Variants in CRIM1 observed in about 807,000 individuals in gnomAD.
CRIM1 encodes cysteine rich transmembrane BMP regulator 1.
A neutral mutation model predicts 116.4 loss-of-function variants in CRIM1; 32 were observed. The observed-to-expected ratio is 0.27, with a 90% CI of 0.21 to 0.37. The LOEUF is 0.37. CRIM1 is among the 10% of genes least tolerant of loss of function. The pLI is 1.00. For synonymous variants in CRIM1, 590 were observed against 509.2 expected, an observed-to-expected ratio of 1.16 and a Z score of -2.13; for missense variants, 1,331 against 1,354.8, an observed-to-expected ratio of 0.98 and a Z score of 0.28.
chr2:36,479,392 A>G (rs1679230931), intron 6 of CRIM1, 105 bp from the exon 7 acceptor site: 7 of 1,072,834 alleles, frequency 6.5e-6, no homozygotes, highest in Middle Eastern at 2.6e-4. Flanking sequence ...CAGTGGGAAT[A>G]GAACTGCTGA....
At chr2:36,515,652 A>G (rs899313956) in intron 11 of CRIM1, among the ~76,000 whole-genome samples, 3 of 152,220 alleles carry the variant, frequency 2.0e-5, no homozygotes, top group Non-Finnish European at 2.9e-5. Context: ...TCTGTCTTCC[A>G]TACACTCTAC....
chr2:36,420,279 A>T (rs1673947489), intron 2 of CRIM1, among the ~76,000 whole-genome samples: 1 of 152,220 alleles, frequency 6.6e-6, no homozygotes, highest in Non-Finnish European at 1.5e-5. Context: ...CTTATATATC[A>T]GATGTCCCCA....
intron 4 of CRIM1, among the ~76,000 whole-genome samples, chr2:36,443,607 A>G (rs1224472363): frequency 6.6e-6 from 1 of 152,208 alleles, no homozygotes; most frequent in African/African-American, 2.4e-5. Context: ...CTCAATTTCC[A>G]ACCTCTTCTT....
intron 8 of CRIM1, among the ~76,000 whole-genome samples, chr2:36,509,051 T>C (rs1274298554): frequency 1.3e-5 from 2 of 152,144 alleles, no homozygotes; most frequent in Non-Finnish European, 2.9e-5. Context: ...TGTCAGCACA[T>C]AGAGAAAAAA....
At chr2:36,364,662 T>C (rs570566536) in intron 1 of CRIM1, among the ~76,000 whole-genome samples, 2 of 152,326 alleles carry the variant, frequency 1.3e-5, no homozygotes, top group African/African-American at 4.8e-5. Context: ...CAAACCTGCA[T>C]TGAAATCTTA....
chr2:36,501,983 T>C (rs1185278658), intron 8 of CRIM1, among the ~76,000 whole-genome samples: 2 of 152,250 alleles, frequency 1.3e-5, no homozygotes, highest in African/African-American at 4.8e-5. Flanking sequence ...GAAGTGTTTA[T>C]ATTTTAATCC....
intron 1 of CRIM1, among the ~76,000 whole-genome samples, chr2:36,381,303 C>A (rs938255069): frequency 2.6e-5 from 4 of 152,192 alleles, no homozygotes; most frequent in Non-Finnish European, 5.9e-5. Context: ...TGCTGCCCAG[C>A]GCGGCCCCAC....
intron 2 of CRIM1, among the ~76,000 whole-genome samples, chr2:36,403,692 A>G (rs1304600288): frequency 6.6e-6 from 1 of 152,184 alleles, no homozygotes; most frequent in African/African-American, 2.4e-5. Context: ...ACTATTATCA[A>G]GATAAATGCT....
intron 7 of CRIM1, among the ~76,000 whole-genome samples, chr2:36,496,885 TTAATC>T (rs141567419): frequency 0.013 from 1,906 of 152,284 alleles, 18 homozygotes; most frequent in Non-Finnish European, 0.021. Flanking sequence ...TAATCGCATG[TTAATC>T]TAATATATTT....
intron 4 of CRIM1, among the ~76,000 whole-genome samples, chr2:36,453,227 A>G (rs1168987716): frequency 1.3e-5 from 2 of 152,262 alleles, no homozygotes; most frequent in African/African-American, 4.8e-5. Flanking sequence ...ATTAGAACCC[A>G]GGAGGTAGAG....
chr2:36,364,495 A>G (rs1340970434), intron 1 of CRIM1, among the ~76,000 whole-genome samples: 1 of 152,218 alleles, frequency 6.6e-6, no homozygotes, highest in Non-Finnish European at 1.5e-5. Context: ...GTCAGGAGCA[A>G]GTAAGAGGGA....
chr2:36,420,478 C>T (rs1325329560), intron 2 of CRIM1, among the ~76,000 whole-genome samples: 11 of 152,078 alleles, frequency 7.2e-5, no homozygotes, highest in African/African-American at 1.2e-4. Flanking sequence ...CTGTTCAGTC[C>T]GTCAAGATTT....
intron 7 of CRIM1, among the ~76,000 whole-genome samples, chr2:36,485,867 G>A (rs1349256661): frequency 6.6e-6 from 1 of 152,218 alleles, no homozygotes; most frequent in Non-Finnish European, 1.5e-5. Context: ...TGTTAGGCAT[G>A]TGTTTTATCC....
At chr2:36,369,264 C>T (rs144231934) in intron 1 of CRIM1, 1 of 152,336 alleles carries the variant, frequency 6.6e-6, no homozygotes, top group Non-Finnish European at 1.5e-5. Context: ...GTTAGAGACC[C>T]CACTTGCCCA....
intron 1 of CRIM1, among the ~76,000 whole-genome samples, chr2:36,362,022 T>TGTAA (rs1669254720): frequency 6.6e-6 from 1 of 152,304 alleles, no homozygotes; most frequent in South Asian, 2.1e-4. Context: ...TCTTCTATGC[T>TGTAA]GTACAAGGCC....
intron 4 of CRIM1, among the ~76,000 whole-genome samples, chr2:36,449,523 A>G (rs1371928863): frequency 2.0e-5 from 3 of 152,198 alleles, no homozygotes; most frequent in South Asian, 2.1e-4. Flanking sequence ...GGCACGAATC[A>G]TGTGTCCAGA....
At chr2:36,447,154 A>G (rs1364328910) in intron 4 of CRIM1, among the ~76,000 whole-genome samples, 1 of 152,184 alleles carries the variant, frequency 6.6e-6, no homozygotes, top group Non-Finnish European at 1.5e-5. Flanking sequence ...ATGGAGATTG[A>G]GATAATAAGA....
intron 9 of CRIM1, among the ~76,000 whole-genome samples, chr2:36,511,953 C>CTA (rs1271067456): frequency 9.2e-5 from 14 of 152,204 alleles, no homozygotes; most frequent in Admixed American, 9.2e-4. Flanking sequence ...CTTCACTTTC[C>CTA]TATTCATGGA....
chr2:36,513,707 G>T lies in CRIM1; in HGVS notation c.1932G>T (p.Pro644=). 1 of 1,614,166 alleles carries T rather than the reference G, an allele frequency of 6.2e-7. No homozygotes were observed. Among genetic ancestry groups the T allele is most frequent in the South Asian group, 1.1e-5 (1 of 91,070 alleles). The change falls in exon 11 of 17, where the codon CCG becomes CCT. Residue 644 remains proline (P), a synonymous_variant. Transcript: ENST00000280527. The part of the protein sequence containing the change: ...GREMCALITC[P]VPACGNPTIH... ...AAATGTGTGCCCTGATCACCTGCCC[G>T]GTGCCTGCCTGTGGCAACCCCACCA...
Sources: allele counts gnomAD v4.1 joint callset (sites outside exome capture counted in the v4.1 genomes callset), GRCh38; gene constraint gnomAD v4.1.1; transcripts MANE v1.5; gene names NCBI Gene and HGNC (gene_info 2026-07-23, HGNC 2026-07-21).